Variants in DPM1 observed in about 807,000 individuals in gnomAD.
The protein encoded by DPM1 is dolichol-phosphate mannosyltransferase subunit 1.
DPM1 carries 27 observed loss-of-function variants against 39.0 expected under a neutral mutation model. The observed-to-expected ratio is 0.69, with a 90% CI of 0.51 to 0.95. DPM1 has a LOEUF of 0.95. Ranked by LOEUF, DPM1 falls within the 40% of genes least tolerant of loss-of-function variation. The pLI is 0.00. For synonymous variants in DPM1, 124 were observed against 109.0 expected (o/e 1.14, Z -0.86); for missense variants, 307 against 315.6 (o/e 0.97, Z 0.21).
chr20:50,956,531 G>GA lies in DPM1; in HGVS notation c.162-1247dup, dbSNP rs56159089. 2.1e-3 allele frequency among the ~76,000 whole-genome samples: 209 copies of GA among 100,384 alleles called. 1 individual carries two copies. Among genetic ancestry groups the GA allele is most frequent in the Non-Finnish European group, 2.7e-3 (129 of 47,390 alleles). The allele number at this position is 100,384 out of a possible 152,430, so 65.9% of individuals were successfully genotyped here. On this transcript the variant is annotated intron_variant, in intron 1 of 8. Transcript: ENST00000371588. ...ACAGAGCAAGACTCCGTCTCCAAAA[G>GA]AAAAAAAAAAAAAAGAAAAAGAAAA...
intron 1 of DPM1, among the ~76,000 whole-genome samples, chr20:50,956,494 C>G (rs1367245406): frequency 2.0e-5 from 3 of 150,716 alleles, no homozygotes; most frequent in Non-Finnish European, 4.4e-5. Context: ...CCACCGCACT[C>G]CAGCCTGGGC....
At chr20:50,941,040 A>G in intron 6 of DPM1, 107 bp from the exon 7 acceptor site, 1 of 1,107,498 alleles carries the variant, frequency 9.0e-7, no homozygotes, top group Non-Finnish European at 1.3e-6. Context: ...TAAATGTAAC[A>G]TTAATTTCAT....
chr20:50,945,286 G>T (rs1191916034), intron 5 of DPM1, among the ~76,000 whole-genome samples: 4 of 41,706 alleles, frequency 9.6e-5, no homozygotes, highest in Non-Finnish European at 1.6e-4. Flanking sequence ...AATGTGTGTT[G>T]TGTGTGTGTG....
At position 50,956,531 on chromosome 20, in the gene DPM1, GAAAAAAA is replaced by G. The variant is rs56159089; in HGVS notation, c.162-1253_162-1247del. On this transcript the variant is annotated intron_variant, in intron 1 of 8. Transcript: ENST00000371588. ...ACAGAGCAAGACTCCGTCTCCAAAA[GAAAAAAA>G]AAAAAAAGAAAAAGAAAAAAGAAAC... Among the ~76,000 whole-genome samples the G allele has an allele frequency of 8.0e-5, 8 of 100,438 alleles. No homozygotes were observed. The South Asian group carries it at 1.4e-3, about 17-fold the overall frequency. The allele number at this position is 100,438 out of a possible 152,430, so 65.9% of individuals were successfully genotyped here.
intron 7 of DPM1, among the ~76,000 whole-genome samples, chr20:50,937,061 T>A (rs906142146): frequency 5.3e-5 from 8 of 151,340 alleles, no homozygotes; most frequent in African/African-American, 9.7e-5. Flanking sequence ...TTTTTTTTTT[T>A]AAAGATCAGT....
At chr20:50,942,948 C>T (rs1985974769) in intron 5 of DPM1, among the ~76,000 whole-genome samples, 1 of 152,182 alleles carries the variant, frequency 6.6e-6, no homozygotes, top group Non-Finnish European at 1.5e-5. Context: ...GAGGCCTAGG[C>T]AGGTGGATCA....
intron 7 of DPM1, among the ~76,000 whole-genome samples, chr20:50,938,016 T>C (rs1468944721): frequency 6.6e-6 from 1 of 152,148 alleles, no homozygotes; most frequent in Non-Finnish European, 1.5e-5. Flanking sequence ...CTATGAAATA[T>C]TTCCTCTCTT....
At chr20:50,951,894 T>C (rs1406265259) in intron 2 of DPM1, among the ~76,000 whole-genome samples, 1 of 152,244 alleles carries the variant, frequency 6.6e-6, no homozygotes, top group African/African-American at 2.4e-5. Flanking sequence ...ATTTCTTATG[T>C]AGGAAATCCA....
intron 5 of DPM1, among the ~76,000 whole-genome samples, chr20:50,942,625 T>C (rs187389011): frequency 1.3e-3 from 195 of 152,226 alleles, no homozygotes; most frequent in African/African-American, 4.5e-3. Context: ...TCTGTGATTG[T>C]GCCACTGTAC....
Position 50,945,777 on chromosome 20 carries a change from GAATA to G in DPM1, c.373-19_373-16del. Reference sequence around the variant, plus strand: ...ATAAATTTTGGCTGAAATTTGAAAAGAATAAACAGTAAGTCAGTAAAACAGGCTA... The same window carrying G: ...ATAAATTTTGGCTGAAATTTGAAAAGAACAGTAAGTCAGTAAAACAGGCTA... On this transcript the variant is annotated splice_polypyrimidine_tract_variant and intron_variant, in intron 4 of 8. Coordinates refer to ENST00000371588, the MANE Select transcript of DPM1 (RefSeq NM_003859.3). 6.2e-7 allele frequency: 1 copy of G among 1,606,348 alleles called. No individual in the cohort carries two copies. Among genetic ancestry groups the G allele is most frequent in the South Asian group, 1.1e-5 (1 of 90,888 alleles).
chr20:50,941,897 T>C (rs1003655309), intron 6 of DPM1, 134 bp downstream of exon 6: 1 of 765,358 alleles, frequency 1.3e-6, no homozygotes, highest in Non-Finnish European at 2.3e-6. Context: ...TGTAAGAAAC[T>C]ATCTGGGAGT....
chr20:50,943,452 C>T (rs999446668), intron 5 of DPM1, among the ~76,000 whole-genome samples: 13 of 151,642 alleles, frequency 8.6e-5, no homozygotes, highest in African/African-American at 1.5e-4. Context: ...CTCCACCTCC[C>T]GGGTTCAAGT....
intron 7 of DPM1, among the ~76,000 whole-genome samples, chr20:50,936,822 A>C (rs1045724852): frequency 5.9e-5 from 9 of 152,224 alleles, no homozygotes; most frequent in Admixed American, 3.3e-4. Context: ...AACAGGAACG[A>C]GGCATCACAG....
At chr20:50,954,141 G>C (rs979951865) in intron 2 of DPM1, among the ~76,000 whole-genome samples, 5 of 151,708 alleles carry the variant, frequency 3.3e-5, no homozygotes, top group African/African-American at 1.2e-4. Flanking sequence ...TTCTATTACT[G>C]AGATTTATCA....
chr20:50,935,242 TTA>T lies in DPM1; in HGVS notation c.679-8_679-7del. ...TCCACAAATGATATTGGAACCTAGT[TTA>T]AAAAAAAAAAAGTAACGTTAGTCTT... On this transcript the variant is annotated splice_polypyrimidine_tract_variant and splice_region_variant and intron_variant, in intron 8 of 8. Transcript: ENST00000371588. 1.3e-6 allele frequency: 2 copies of T among 1,544,846 alleles called. No homozygotes were observed. The highest frequency in any genetic ancestry group is 1.8e-5 in the Admixed American group (1 of 56,352).
chr20:50,943,426 C>G (rs1986035838), intron 5 of DPM1, among the ~76,000 whole-genome samples: 1 of 140,520 alleles, frequency 7.1e-6, no homozygotes, highest in African/African-American at 2.6e-5. Flanking sequence ...ATGGCGCCAT[C>G]TCGGCTCACT....
chr20:50,958,396 A>T lies in DPM1; in HGVS notation c.128T>A (p.Ile43Asn). Residue 43 changes from isoleucine to asparagine, a missense_variant, in exon 1 of 9, where the codon ATC (isoleucine) becomes AAC (asparagine). By Grantham distance (149) the Ile-to-Asn change is moderately radical (BLOSUM62 -3). Coordinates refer to ENST00000371588, the MANE Select transcript of DPM1 (RefSeq NM_003859.3). Reference protein sequence around the residue: ...TYNERENLPLIVWLLVKSFSE... With the variant: ...TYNERENLPLNVWLLVKSFSE... ...GAAGCTTTTCACCAGCAGCCACACG[A>T]TGAGCGGCAGGTTCTCGCGCTCGTT... The T allele has an allele frequency of 6.2e-7, 1 of 1,613,992 alleles. No homozygotes were observed. The highest frequency in any genetic ancestry group is 8.5e-7 in the Non-Finnish European group (1 of 1,180,014).
At chr20:50,939,178 T>A (rs753058018) in intron 7 of DPM1, among the ~76,000 whole-genome samples, 7 of 151,646 alleles carry the variant, frequency 4.6e-5, no homozygotes, top group African/African-American at 1.7e-4. Context: ...ACCCCATTCC[T>A]CTCCCTGCTG....
intron 1 of DPM1, among the ~76,000 whole-genome samples, chr20:50,956,112 A>G (rs1315399915): frequency 2.6e-5 from 4 of 152,170 alleles, no homozygotes; most frequent in Non-Finnish European, 5.9e-5. Context: ...TGTGCCTATT[A>G]CCTCACATTA....
Sources: gnomAD v4.1 joint callset for allele counts (sites outside exome capture counted in the v4.1 genomes callset) on GRCh38, gnomAD v4.1.1 for gene constraint, MANE v1.5 for transcripts, NCBI Gene and HGNC (gene_info 2026-07-23, HGNC 2026-07-21) for gene names.